The following RNF152 variants were observed in gnomAD, a reference collection of about 807,000 sequenced individuals.
RNF152 encodes the protein ring finger protein 152, also known as E3 ubiquitin-protein ligase RNF152.
RNF152 carries 11 observed loss-of-function variants against 12.7 expected under a neutral mutation model. That is an observed-to-expected ratio of 0.86 (90% confidence interval 0.54 to 1.43). The LOEUF (loss-of-function observed/expected upper bound fraction) is 1.43, where lower values mean the gene tolerates loss of function less well. Ranked by LOEUF, RNF152 falls within the 40% of genes most tolerant of loss-of-function variation. RNF152 has a pLI of 0.00. For synonymous variants in RNF152, 113 were observed against 120.3 expected, an observed-to-expected ratio of 0.94 and a Z score of 0.40; for missense variants, 255 against 274.8, an observed-to-expected ratio of 0.93 and a Z score of 0.51.
chr18:61,815,839 C>A lies in RNF152; in HGVS notation c.*13G>T, dbSNP rs1369532397. 2 of 1,608,492 alleles carry A rather than the reference C, an allele frequency of 1.2e-6. No individual in the cohort carries two copies. Among genetic ancestry groups the A allele is most frequent in the African/African-American group, 2.7e-5 (2 of 74,836 alleles). On this transcript the variant is annotated 3_prime_UTR_variant, in exon 2 of 2. Coordinates refer to ENST00000312828, the MANE Select transcript of RNF152 (RefSeq NM_173557.3). ...TAAGTTGGCACCCACAAGAGACTTCCCTGCAGCCCTCTTCAGCCACAGGAT... is the reference window on the plus strand; with the variant it reads ...TAAGTTGGCACCCACAAGAGACTTCACTGCAGCCCTCTTCAGCCACAGGAT...
chr18:61,831,621 A>C (rs1909951845), intron 1 of RNF152, among the ~76,000 whole-genome samples: 1 of 152,188 alleles, frequency 6.6e-6, no homozygotes, highest in Non-Finnish European at 1.5e-5. Context: ...AAGATAAAAA[A>C]AATAAGCAAT....
chr18:61,817,741 G>T (rs1599258797), intron 1 of RNF152, among the ~76,000 whole-genome samples: 2 of 99,874 alleles, frequency 2.0e-5, no homozygotes, highest in Non-Finnish European at 4.8e-5. Flanking sequence ...ATTCCTCATT[G>T]TAAAAAAAAA....
chr18:61,825,893 A>C (rs1487089505), intron 1 of RNF152, among the ~76,000 whole-genome samples: 8 of 152,218 alleles, frequency 5.3e-5, no homozygotes, highest in Admixed American at 3.3e-4. Flanking sequence ...ATTCCAGAAC[A>C]AATTGAAACC....
Position 61,811,343 on chromosome 18 carries a change from C to T in RNF152, c.*4509G>A, listed in dbSNP as rs1184139713. On this transcript the variant is annotated 3_prime_UTR_variant, in exon 2 of 2. Coordinates refer to ENST00000312828, the MANE Select transcript of RNF152 (RefSeq NM_173557.3). ...ATATCTCAAACTGAATTTTCTGCTTCCTTTTATTTAGCTAAAAAGTAATTA... is the reference window on the plus strand; with the variant it reads ...ATATCTCAAACTGAATTTTCTGCTTTCTTTTATTTAGCTAAAAAGTAATTA... 6.6e-6 allele frequency: 1 copy of T among 152,092 alleles called. No individual in the cohort carries two copies. The highest frequency in any genetic ancestry group is 2.1e-4 in the South Asian group (1 of 4,816). The allele number at this position is 152,092 out of a possible 1,614,324, so 9.4% of individuals were successfully genotyped here.
chr18:61,839,608 T>G (rs1910350473), intron 1 of RNF152, among the ~76,000 whole-genome samples: 1 of 152,110 alleles, frequency 6.6e-6, no homozygotes, highest in Non-Finnish European at 1.5e-5. Context: ...TAAGAAGTAT[T>G]TTGTGGGCTG....
rs1908955713 is a variant in RNF152 at position 61,814,222 on chromosome 18, C to A, written c.*1630G>T. ...TGTGCTGCTTGAAGATAACAGACAG[C>A]ATGTAAATAAATTAAATTGTCTTGA... On this transcript the variant is annotated 3_prime_UTR_variant, in exon 2 of 2. Coordinates refer to ENST00000312828, the MANE Select transcript of RNF152 (RefSeq NM_173557.3). 6.6e-6 allele frequency: 1 copy of A among 152,196 alleles called. No individual in the cohort carries two copies. Among genetic ancestry groups the A allele is most frequent in the Admixed American group, 6.5e-5 (1 of 15,274 alleles). 9.4% of individuals were successfully genotyped at this position (152,196 alleles called of 1,614,324 possible).
chr18:61,850,519 A>G (rs1417900620), intron 1 of RNF152, among the ~76,000 whole-genome samples: 1 of 152,234 alleles, frequency 6.6e-6, no homozygotes, highest in African/African-American at 2.4e-5. Context: ...GATCACCATC[A>G]AACTTGGTTA....
At chr18:61,819,120 T>C (rs1909255852) in intron 1 of RNF152, among the ~76,000 whole-genome samples, 1 of 152,352 alleles carries the variant, frequency 6.6e-6, no homozygotes, top group South Asian at 2.1e-4. Flanking sequence ...GGATTGTTTC[T>C]AATACTAGAG....
chr18:61,889,370 A>G (rs1319909765), intron 1 of RNF152, among the ~76,000 whole-genome samples: 1 of 152,224 alleles, frequency 6.6e-6, no homozygotes, highest in Non-Finnish European at 1.5e-5. Flanking sequence ...TATTTATCAA[A>G]TCTTTAAAAT....
intron 1 of RNF152, among the ~76,000 whole-genome samples, chr18:61,869,897 C>A (rs181937498): frequency 5.5e-4 from 84 of 152,256 alleles, no homozygotes; most frequent in Non-Finnish European, 9.9e-4. Flanking sequence ...AGTTTATAAG[C>A]AGATGTACTT....
chr18:61,876,480 A>G (rs1452986841), intron 1 of RNF152, among the ~76,000 whole-genome samples: 3 of 152,232 alleles, frequency 2.0e-5, no homozygotes, highest in Non-Finnish European at 4.4e-5. Context: ...AATAATATCA[A>G]CAACTCTTTT....
intron 1 of RNF152, among the ~76,000 whole-genome samples, chr18:61,844,907 G>T (rs188678994): frequency 5.9e-4 from 90 of 151,712 alleles, no homozygotes; most frequent in African/African-American, 2.1e-3. Flanking sequence ...ACTCGCCCCA[G>T]TGATTTACGA....
At position 61,808,662 on chromosome 18, in the gene RNF152, C is replaced by T. The variant is rs572911068; in HGVS notation, c.*7190G>A. 1 of 152,252 alleles carries T rather than the reference C, an allele frequency of 6.6e-6. No individual in the cohort carries two copies. The highest frequency in any genetic ancestry group is 1.9e-4 in the East Asian group (1 of 5,174). 9.4% of individuals were successfully genotyped at this position (152,252 alleles called of 1,614,324 possible). A position where few individuals can be genotyped will look rare whatever the true frequency, so the allele number is the denominator to read the frequency against. The stretch of plus-strand genomic sequence containing the variant: ...CCATGACTGTTGAGTGAGGCAAACA[C>T]AAACAAGTGGTGAAATGAAAAAATA... On this transcript the variant is annotated 3_prime_UTR_variant, in exon 2 of 2. Coordinates refer to ENST00000312828, the MANE Select transcript of RNF152 (RefSeq NM_173557.3).
intron 1 of RNF152, among the ~76,000 whole-genome samples, chr18:61,825,116 T>C (rs185614731): frequency 1.3e-3 from 200 of 152,272 alleles, no homozygotes; most frequent in Non-Finnish European, 2.1e-3. Flanking sequence ...ACAAAGAACA[T>C]AGCAGTGAGT....
At chr18:61,825,571 T>C (rs1909620933) in intron 1 of RNF152, among the ~76,000 whole-genome samples, 1 of 152,124 alleles carries the variant, frequency 6.6e-6, no homozygotes, top group African/African-American at 2.4e-5. Context: ...CCTCAAGAGA[T>C]GCAAGATATT....
At chr18:61,844,114 G>GAAAGAA (rs1555702370) in intron 1 of RNF152, among the ~76,000 whole-genome samples, 17 of 125,292 alleles carry the variant, frequency 1.4e-4, no homozygotes, top group South Asian at 2.5e-4. Context: ...AAGAAAGAAA[G>GAAAGAA]AAAGAAAGAA....
intron 1 of RNF152, 122 bp downstream of exon 1, chr18:61,892,673 C>T (rs1346236932): frequency 6.6e-6 from 1 of 152,210 alleles, no homozygotes; most frequent in Non-Finnish European, 1.5e-5. Flanking sequence ...TTAGCAGCCC[C>T]CACACCTTCT....
intron 1 of RNF152, among the ~76,000 whole-genome samples, chr18:61,877,437 G>A (rs866934615): frequency 8.5e-5 from 13 of 152,094 alleles, no homozygotes; most frequent in Middle Eastern, 6.8e-3. Flanking sequence ...GTGACTGCAG[G>A]GTATCCACAT....
At chr18:61,855,770 TAGC>T (rs1568281342) in intron 1 of RNF152, among the ~76,000 whole-genome samples, 2 of 152,116 alleles carry the variant, frequency 1.3e-5, no homozygotes. Context: ...TGAGCGCAGC[TAGC>T]CAGGCCAAGT....
Sources: gnomAD v4.1 joint callset for allele counts (sites outside exome capture counted in the v4.1 genomes callset) on GRCh38, gnomAD v4.1.1 for gene constraint, MANE v1.5 for transcripts, NCBI Gene and HGNC (gene_info 2026-07-23, HGNC 2026-07-21) for gene names.